SHISA2: variants seen among roughly 807,000 people sequenced by gnomAD.
The protein encoded by SHISA2 is protein shisa-2 homolog.
Under a neutral mutation model 23.8 loss-of-function variants are expected in SHISA2, and 16 were observed. The ratio of observed to expected loss-of-function variants is 0.67; its 90% confidence interval spans 0.46 to 1.02. The LOEUF (loss-of-function observed/expected upper bound fraction) is 1.02. Among genes scored for constraint, SHISA2 ranks in the 50% least tolerant of loss-of-function variants. The pLI is 0.00. For missense variants in SHISA2, 459 were observed against 420.1 expected, an observed-to-expected ratio of 1.09 and a Z score of -0.81; for synonymous variants, 201 against 178.6, an observed-to-expected ratio of 1.13 and a Z score of -1.00.
In SHISA2 at chr13:26,047,072, G is replaced by A. The variant is rs1342755823; in HGVS notation, c.335-6C>T. 6.5e-7 allele frequency: 1 copy of A among 1,529,860 alleles called. No individual in the cohort carries two copies. Among genetic ancestry groups the A allele is most frequent in the Non-Finnish European group, 8.8e-7 (1 of 1,138,560 alleles). The allele number at this position is 1,529,860 out of a possible 1,614,324, so 94.8% of individuals were successfully genotyped here. Reference sequence around the variant, plus strand: ...GAACGGCACGTAGATGGGCACTGAAGCAAAGGACAGAAACACAACATTATG... The same window carrying A: ...GAACGGCACGTAGATGGGCACTGAAACAAAGGACAGAAACACAACATTATG... On this transcript the variant is annotated splice_polypyrimidine_tract_variant and splice_region_variant and intron_variant, in intron 1 of 1. Coordinates refer to ENST00000319420, the MANE Select transcript of SHISA2 (RefSeq NM_001007538.2).
chr13:26,044,994 C>T lies in SHISA2; in HGVS notation c.*1519G>A, dbSNP rs748315703. On this transcript the variant is annotated 3_prime_UTR_variant, in exon 2 of 2. Transcript: ENST00000319420. ...GTGTGGGAGAAGAAAGGCAATCCTT[C>T]GTTGAAAAGCTTTTCTCTTAACAAT... is the stretch of plus-strand genomic sequence containing the variant. 1.3e-5 allele frequency: 2 copies of T among 152,122 alleles called. No homozygotes were observed. The highest frequency in any genetic ancestry group is 2.9e-5 in the Non-Finnish European group (2 of 68,028). The allele number at this position is 152,122 out of a possible 1,614,324, so 9.4% of individuals were successfully genotyped here.
intron 1 of SHISA2, among the ~76,000 whole-genome samples, chr13:26,049,145 C>CA (rs1957284085): frequency 6.6e-6 from 1 of 152,204 alleles, no homozygotes; most frequent in East Asian, 1.9e-4. Context: ...AAACCAGCCT[C>CA]AGTCCACATA....
chr13:26,050,517 G>C, intron 1 of SHISA2, 125 bp downstream of exon 1: 4 of 1,005,814 alleles, frequency 4.0e-6, no homozygotes, highest in Non-Finnish European at 4.0e-6. Context: ...TAATAAGCCA[G>C]AAGGCAGACT....
chr13:26,045,619 C>T lies in SHISA2; in HGVS notation c.*894G>A, dbSNP rs1282393770. 16 of 151,864 alleles carry T rather than the reference C, an allele frequency of 1.1e-4. No individual in the cohort carries two copies. Among genetic ancestry groups the T allele is most frequent in the Non-Finnish European group, 2.1e-4 (14 of 67,968 alleles). 9.4% of individuals were successfully genotyped at this position (151,864 alleles called of 1,614,324 possible). A position where few individuals can be genotyped will look rare whatever the true frequency, so the allele number is the denominator to read the frequency against. ...TAAGGTAAAAAAGCACAAAATAGGC[C>T]CCCAAAAGCACAAAAATAGACAAAA... On this transcript the variant is annotated 3_prime_UTR_variant, in exon 2 of 2. Coordinates refer to ENST00000319420, the MANE Select transcript of SHISA2 (RefSeq NM_001007538.2).
At position 26,044,995 on chromosome 13, in the gene SHISA2, G is replaced by A. The variant is rs1405786564; in HGVS notation, c.*1518C>T. ...TGTGGGAGAAGAAAGGCAATCCTTC[G>A]TTGAAAAGCTTTTCTCTTAACAATC... On this transcript the variant is annotated 3_prime_UTR_variant, in exon 2 of 2. Transcript: ENST00000319420. The A allele has an allele frequency of 6.6e-6, 1 of 152,158 alleles. No individual in the cohort carries two copies. Among genetic ancestry groups the A allele is most frequent in the African/African-American group, 2.4e-5 (1 of 41,454 alleles). The allele number at this position is 152,158 out of a possible 1,614,324, so 9.4% of individuals were successfully genotyped here. A position where few individuals can be genotyped will look rare whatever the true frequency, so the allele number is the denominator to read the frequency against.
rs1487935518 is a variant in SHISA2, at chr13:26,046,940, G to A, written c.461C>T (p.Ala154Val). Reference sequence around the variant, plus strand: ...CTCCATCAAGCGGTTACCCCCTGGGGCTCGGCTCTGCTGGGGATCCTGCTT... The same window carrying A: ...CTCCATCAAGCGGTTACCCCCTGGGACTCGGCTCTGCTGGGGATCCTGCTT... Reference protein sequence around the residue: ...RPKQDPQQSRAPGGNRLMETI... With the variant: ...RPKQDPQQSRVPGGNRLMETI... The change falls in exon 2 of 2, where the codon GCC (alanine) becomes GTC (valine). Residue 154 changes from alanine (A) to valine (V), a missense_variant. Coordinates refer to ENST00000319420, the MANE Select transcript of SHISA2 (RefSeq NM_001007538.2). 19 of 1,613,414 alleles carry A rather than the reference G, an allele frequency of 1.2e-5. No homozygotes were observed. Among genetic ancestry groups the A allele is most frequent in the Non-Finnish European group, 1.4e-5 (17 of 1,179,620 alleles).
intron 1 of SHISA2, among the ~76,000 whole-genome samples, chr13:26,048,701 C>G (rs1307817945): frequency 6.6e-6 from 1 of 152,160 alleles, no homozygotes; most frequent in Non-Finnish European, 1.5e-5. Context: ...AATTATGCTC[C>G]TTTTCACTGT....
chr13:26,046,733 T>G lies in SHISA2; in HGVS notation c.668A>C (p.Asn223Thr), dbSNP rs759366594. ...CTGCTGACAGTTCAGCACAGAGAAATTCGTGGGCATGTTGACATACACGTT... is the reference window on the plus strand; with the variant it reads ...CTGCTGACAGTTCAGCACAGAGAAAGTCGTGGGCATGTTGACATACACGTT... Reference protein sequence around the residue: ...MNNVYVNMPTNFSVLNCQQAT... With the variant: ...MNNVYVNMPTTFSVLNCQQAT... The change falls in exon 2 of 2, where the codon AAT becomes ACT. Residue 223 changes from asparagine (N) to threonine (T), a missense_variant. Transcript: ENST00000319420. 52 of 1,614,086 alleles carry G rather than the reference T, an allele frequency of 3.2e-5. 1 individual carries two copies. In the East Asian group the frequency reaches 1.1e-3, roughly 35 times the overall value.
intron 1 of SHISA2, among the ~76,000 whole-genome samples, chr13:26,048,493 G>T (rs1355874387): frequency 6.6e-6 from 1 of 152,120 alleles, no homozygotes; most frequent in Non-Finnish European, 1.5e-5. Flanking sequence ...TGCATTTTCT[G>T]ATGTGTTCTT....
chr13:26,048,798 T>G (rs1178115689), intron 1 of SHISA2, among the ~76,000 whole-genome samples: 1 of 152,196 alleles, frequency 6.6e-6, no homozygotes, highest in Admixed American at 6.5e-5. Flanking sequence ...AACAATACTT[T>G]ATAGGTATTT....
intron 1 of SHISA2, among the ~76,000 whole-genome samples, chr13:26,048,522 T>C (rs1034244154): frequency 6.6e-6 from 1 of 152,150 alleles, no homozygotes. Context: ...CTCCTGGCTA[T>C]ATTTTTGGGA....
At position 26,046,610 on chromosome 13, in the gene SHISA2, G is replaced by A. The variant is rs773179152; in HGVS notation, c.791C>T (p.Pro264Leu). ...HDSVPMTAVP[P>L]FMDGLQPGYR... ...GCCAGGCTGCAGGCCGTCCATGAAA[G>A]GTGGCACAGCTGTCATGGGCACAGA... Residue 264 changes from proline (P) to leucine (L), a missense_variant, in exon 2 of 2, where the codon CCT becomes CTT. Coordinates refer to ENST00000319420, the MANE Select transcript of SHISA2 (RefSeq NM_001007538.2). 4 of 1,614,222 alleles carry A rather than the reference G, an allele frequency of 2.5e-6. No homozygotes were observed. The highest frequency in any genetic ancestry group is 2.7e-5 in the African/African-American group (2 of 75,068).
chr13:26,049,812 G>A lies in SHISA2; in HGVS notation c.334+830C>T, dbSNP rs574242474. 5.3e-5 allele frequency among the ~76,000 whole-genome samples: 8 copies of A among 149,630 alleles called. No individual in the cohort carries two copies. In the East Asian group the frequency reaches 1.6e-3, roughly 30 times the overall value. Reference sequence around the variant, plus strand: ...CACAAAGAGGAGGAGCCGCCCCCTCGGGGACACGTTTGCCATTTTACCTCT... The same window carrying A: ...CACAAAGAGGAGGAGCCGCCCCCTCAGGGACACGTTTGCCATTTTACCTCT... On this transcript the variant is annotated intron_variant, in intron 1 of 1. Transcript: ENST00000319420.
chr13:26,050,982 A>C lies in SHISA2; in HGVS notation c.-7T>G. 1 of 1,493,570 alleles carries C rather than the reference A, an allele frequency of 6.7e-7. No individual in the cohort carries two copies. Among genetic ancestry groups the C allele is most frequent in the Non-Finnish European group, 8.8e-7 (1 of 1,130,538 alleles). 92.5% of individuals were successfully genotyped at this position (1,493,570 alleles called of 1,614,324 possible). On this transcript the variant is annotated 5_prime_UTR_variant, in exon 1 of 2. Coordinates refer to ENST00000319420, the MANE Select transcript of SHISA2 (RefSeq NM_001007538.2). ...AGCGGCGAGCGCCCCACATGGCACC[A>C]CCCTGGGCGCGGACAGCGCGTCTCC... is the stretch of plus-strand genomic sequence containing the variant.
chr13:26,050,160 A>T lies in SHISA2; in HGVS notation c.334+482T>A, dbSNP rs1233523085. The stretch of plus-strand genomic sequence containing the variant: ...GGGGAGAGGGGCCGCCGCGTGGAGA[A>T]GATGGGAATCCGCGGCGTCTGGCAC... On this transcript the variant is annotated intron_variant, in intron 1 of 1. Coordinates refer to ENST00000319420, the MANE Select transcript of SHISA2 (RefSeq NM_001007538.2). 2.6e-5 allele frequency among the ~76,000 whole-genome samples: 4 copies of T among 152,304 alleles called. No individual in the cohort carries two copies. In the East Asian group the frequency reaches 7.7e-4, roughly 29 times the overall value.
At position 26,046,934 on chromosome 13, in the gene SHISA2, C is replaced by G. The variant is rs765836778; in HGVS notation, c.467G>C (p.Gly156Ala). 2.5e-6 allele frequency: 4 copies of G among 1,613,524 alleles called. No homozygotes were observed. The highest frequency in any genetic ancestry group is 3.4e-6 in the Non-Finnish European group (4 of 1,179,664). The part of the protein sequence containing the change: ...KQDPQQSRAP[G>A]GNRLMETIPM... Reference sequence around the variant, plus strand: ...GATGGTCTCCATCAAGCGGTTACCCCCTGGGGCTCGGCTCTGCTGGGGATC... The same window carrying G: ...GATGGTCTCCATCAAGCGGTTACCCGCTGGGGCTCGGCTCTGCTGGGGATC... Residue 156 changes from glycine to alanine, a missense_variant, in exon 2 of 2, where the codon GGG becomes GCG. Transcript: ENST00000319420.
At position 26,046,227 on chromosome 13, in the gene SHISA2, A is replaced by G. The variant is rs985595166; in HGVS notation, c.*286T>C. 8.3e-5 allele frequency: 26 copies of G among 312,940 alleles called. No homozygotes were observed. Among genetic ancestry groups the G allele is most frequent in the African/African-American group, 5.5e-4 (26 of 46,984 alleles). 19.4% of individuals were successfully genotyped at this position (312,940 alleles called of 1,614,324 possible). A position where few individuals can be genotyped will look rare whatever the true frequency, so the allele number is the denominator to read the frequency against. ...TATCAGTTTATAAAATTCTTTCGTC[A>G]ACCATATCTCAAGGGCACTTCGGAC... On this transcript the variant is annotated 3_prime_UTR_variant, in exon 2 of 2. Coordinates refer to ENST00000319420, the MANE Select transcript of SHISA2 (RefSeq NM_001007538.2).
chr13:26,047,133 G>A (rs1310391341), intron 1 of SHISA2, 67 bp from the exon 2 acceptor site: 3 of 1,434,130 alleles, frequency 2.1e-6, no homozygotes, highest in African/African-American at 1.4e-5. Flanking sequence ...TCGCCAACTG[G>A]CAATGGCAAT....
Position 26,046,269 on chromosome 13 carries a change from C to T in SHISA2, c.*244G>A, listed in dbSNP as rs1473848455. ...ACTTCGGACTCAAGCATTTGTTATACACCCATCAGCAACATCACAGTCATC... is the reference window on the plus strand; with the variant it reads ...ACTTCGGACTCAAGCATTTGTTATATACCCATCAGCAACATCACAGTCATC... On this transcript the variant is annotated 3_prime_UTR_variant, in exon 2 of 2. Transcript: ENST00000319420. 1.4e-5 allele frequency: 7 copies of T among 489,652 alleles called. No homozygotes were observed. In the Admixed American group the frequency reaches 1.9e-4, roughly 13 times the overall value. The allele number at this position is 489,652 out of a possible 1,614,324, so 30.3% of individuals were successfully genotyped here.
Sources: allele counts gnomAD v4.1 joint callset (sites outside exome capture counted in the v4.1 genomes callset), GRCh38; gene constraint gnomAD v4.1.1; transcripts MANE v1.5; gene names NCBI Gene and HGNC (gene_info 2026-07-23, HGNC 2026-07-21).